ABHD2: variants seen among roughly 807,000 people sequenced by gnomAD.
The protein encoded by ABHD2 is abhydrolase domain containing 2, acylglycerol lipase, also known as monoacylglycerol lipase ABHD2.
A neutral mutation model predicts 48.1 loss-of-function variants in ABHD2; 20 were observed. That is an observed-to-expected ratio of 0.42 (90% CI 0.29 to 0.60). ABHD2 has a LOEUF of 0.60. Among genes scored for constraint, ABHD2 ranks in the 20% least tolerant of loss-of-function variants. The pLI is 0.24. For missense variants in ABHD2, 405 were observed against 550.9 expected (o/e 0.74, Z 2.65); for synonymous variants, 209 against 214.2 (o/e 0.98, Z 0.21).
chr15:89,153,595 C>A (rs959397570), intron 4 of ABHD2, among the ~76,000 whole-genome samples: 1 of 152,176 alleles, frequency 6.6e-6, no homozygotes, highest in Admixed American at 6.5e-5. Context: ...CTCCTGCCCC[C>A]AGAAATGACT....
the ABHD2 span, among the ~76,000 whole-genome samples, chr15:89,069,122 CTTT>C: frequency 8.0e-6 from 1 of 124,898 alleles, no homozygotes; most frequent in African/African-American, 3.2e-5. Context: ...CTTTTCTTTT[CTTT>C]TTTTTTTTTT....
At chr15:89,090,781 C>G (rs536359402) in intron 1 of ABHD2, among the ~76,000 whole-genome samples, 3 of 152,268 alleles carry the variant, frequency 2.0e-5, no homozygotes, top group Admixed American at 6.5e-5. Flanking sequence ...GCCCTCCTCC[C>G]AAGCGATGAG....
chr15:89,181,489 A>G (rs28584178), intron 6 of ABHD2, among the ~76,000 whole-genome samples: 104,523 of 151,980 alleles, frequency 0.69, 37,215 homozygotes, highest in African/African-American at 0.87. Flanking sequence ...TTCATCTCCA[A>G]TCTTAATTCA....
At chr15:89,138,825 T>G (rs1377462066) in intron 3 of ABHD2, among the ~76,000 whole-genome samples, 1 of 152,122 alleles carries the variant, frequency 6.6e-6, no homozygotes, top group Non-Finnish European at 1.5e-5. Flanking sequence ...CGCTTTGGAC[T>G]GAATCAGAGA....
chr15:89,193,089 T>A, intron 9 of ABHD2, 146 bp from the exon 10 acceptor site: 1 of 681,456 alleles, frequency 1.5e-6, no homozygotes. Flanking sequence ...ATACAAGGCG[T>A]CCTTCCTGTA....
rs138685929 is a variant in ABHD2 at position 89,105,393 on chromosome 15, C to A, written c.-106-8332C>A. On this transcript the variant is annotated intron_variant, in intron 1 of 10. Coordinates refer to ENST00000352732, the MANE Select transcript of ABHD2 (RefSeq NM_152924.5). The stretch of plus-strand genomic sequence containing the variant: ...TCCTGCATTGGGTAACTTGACTCCC[C>A]CTGAGAACTTGTAGACTATTTTCTG... 7.1e-3 allele frequency among the ~76,000 whole-genome samples: 1,076 copies of A among 152,276 alleles called. 10 individuals are homozygous for A. Among genetic ancestry groups the A allele is most frequent in the African/African-American group, 0.025 (1,034 of 41,538 alleles).
the ABHD2 span, among the ~76,000 whole-genome samples, chr15:89,062,174 G>A: frequency 6.6e-6 from 1 of 152,178 alleles, no homozygotes; most frequent in South Asian, 2.1e-4. Context: ...AGGCTGAAAG[G>A]AAAGCTGGCT....
At chr15:89,138,218 A>T (rs183265017) in intron 3 of ABHD2, among the ~76,000 whole-genome samples, 2 of 152,326 alleles carry the variant, frequency 1.3e-5, no homozygotes, top group Admixed American at 1.3e-4. Context: ...TCCTGTGTGC[A>T]CACACATGCA....
At position 89,155,900 on chromosome 15, in the gene ABHD2, G is replaced by C. The variant is rs1473279185; in HGVS notation, c.538+366G>C. On this transcript the variant is annotated intron_variant, in intron 5 of 10. Coordinates refer to ENST00000352732, the MANE Select transcript of ABHD2 (RefSeq NM_152924.5). This position sits in a 1 kb window ranked among gnomAD's most constrained non-coding sequence, Gnocchi z 4.9. The stretch of plus-strand genomic sequence containing the variant: ...GATGCTCGTTCCTCAGGACTCTTGT[G>C]ACTGACAGGCAAGGGTGTGATGAGG... Among the ~76,000 whole-genome samples, 1 of 152,136 alleles carries C rather than the reference G, an allele frequency of 6.6e-6. No individual in the cohort carries two copies. The highest frequency in any genetic ancestry group is 1.5e-5 in the Non-Finnish European group (1 of 68,028).
At chr15:89,127,775 A>G (rs2050159398) in intron 3 of ABHD2, among the ~76,000 whole-genome samples, 1 of 148,688 alleles carries the variant, frequency 6.7e-6, no homozygotes, top group Non-Finnish European at 1.5e-5. Context: ...AGTAATATTT[A>G]GTAACCTGCT....
the ABHD2 span, among the ~76,000 whole-genome samples, chr15:89,058,760 A>T: frequency 6.6e-6 from 1 of 152,166 alleles, no homozygotes; most frequent in Non-Finnish European, 1.5e-5. Flanking sequence ...CTCACTCTTC[A>T]GACAAGACCA....
intron 3 of ABHD2, among the ~76,000 whole-genome samples, chr15:89,145,157 G>A (rs1373235673): frequency 2.0e-5 from 3 of 152,208 alleles, no homozygotes; most frequent in Non-Finnish European, 4.4e-5. Context: ...TCCAGAGGCT[G>A]AAGCAGCAGA....
chr15:89,103,732 G>T (rs898394312), intron 1 of ABHD2, among the ~76,000 whole-genome samples: 1 of 152,098 alleles, frequency 6.6e-6, no homozygotes, highest in Non-Finnish European at 1.5e-5. Flanking sequence ...AGAATCTCTG[G>T]GTCTTTCCAC....
Position 89,185,915 on chromosome 15 carries a change from C to T in ABHD2, c.815+399C>T, listed in dbSNP as rs983551791. On this transcript the variant is annotated intron_variant, in intron 7 of 10. Transcript: ENST00000352732. The surrounding 1 kb of genome is among the most constrained non-coding windows in gnomAD (Gnocchi z 5.9). ...CCAGGAGGCGGAGGCTGCAGCGAGCCAAGATTGCGCCAATGCACCCCAGCC... is the reference window on the plus strand; with the variant it reads ...CCAGGAGGCGGAGGCTGCAGCGAGCTAAGATTGCGCCAATGCACCCCAGCC... 1.3e-5 allele frequency among the ~76,000 whole-genome samples: 2 copies of T among 152,164 alleles called. No homozygotes were observed. The highest frequency in any genetic ancestry group is 2.4e-5 in the African/African-American group (1 of 41,422).
rs2050864562 is a variant in ABHD2 at position 89,168,110 on chromosome 15, T to C, written c.539-7702T>C. Among the ~76,000 whole-genome samples the C allele has an allele frequency of 6.6e-6, 1 of 152,218 alleles. No homozygotes were observed. Among genetic ancestry groups the C allele is most frequent in the African/African-American group, 2.4e-5 (1 of 41,452 alleles). Reference sequence around the variant, plus strand: ...TGTATTTTAGCCTATTTAGTCATGCTAGTGTCATTTGGGGAAGTGGCTGTT... The same window carrying C: ...TGTATTTTAGCCTATTTAGTCATGCCAGTGTCATTTGGGGAAGTGGCTGTT... On this transcript the variant is annotated intron_variant, in intron 5 of 10. Coordinates refer to ENST00000352732, the MANE Select transcript of ABHD2 (RefSeq NM_152924.5). The surrounding 1 kb of genome is among the most constrained non-coding windows in gnomAD (Gnocchi z 4.8).
the ABHD2 span, among the ~76,000 whole-genome samples, chr15:89,067,579 A>G: frequency 2.4e-4 from 37 of 152,138 alleles, no homozygotes; most frequent in Non-Finnish European, 4.7e-4. Flanking sequence ...GGTGTTCCAA[A>G]GGCCATGAGG....
intron 3 of ABHD2, among the ~76,000 whole-genome samples, chr15:89,143,880 C>G (rs1391554478): frequency 6.6e-6 from 1 of 151,816 alleles, no homozygotes; most frequent in African/African-American, 2.4e-5. Flanking sequence ...TGGACAACAG[C>G]AACTGTTGGT....
At chr15:89,053,393 T>A in the ABHD2 span, among the ~76,000 whole-genome samples, 4 of 152,164 alleles carry the variant, frequency 2.6e-5, no homozygotes, top group Non-Finnish European at 5.9e-5. Context: ...AGTGGATAAC[T>A]GACATGCAGC....
chr15:89,106,001 C>T lies in ABHD2; in HGVS notation c.-106-7724C>T, dbSNP rs546125855. On this transcript the variant is annotated intron_variant, in intron 1 of 10. Transcript: ENST00000352732. The surrounding 1 kb of genome is among the most constrained non-coding windows in gnomAD (Gnocchi z 4.2). ...ATAGATGTAAGCCACTGTGCCCAGCCGAGAGGTGGTCTTTTAAAACCCAGA... is the reference window on the plus strand; with the variant it reads ...ATAGATGTAAGCCACTGTGCCCAGCTGAGAGGTGGTCTTTTAAAACCCAGA... Among the ~76,000 whole-genome samples, 6 of 152,248 alleles carry T rather than the reference C, an allele frequency of 3.9e-5. No individual in the cohort carries two copies. Among genetic ancestry groups the T allele is most frequent in the East Asian group, 1.9e-4 (1 of 5,172 alleles).
Sources: gnomAD v4.1 joint callset for allele counts (sites outside exome capture counted in the v4.1 genomes callset) on GRCh38, gnomAD v4.1.1 for gene constraint, Gnocchi (gnomAD v3.1) non-coding constraint, MANE v1.5 for transcripts, NCBI Gene and HGNC (gene_info 2026-07-23, HGNC 2026-07-21) for gene names.